Variants in NELFA observed in about 807,000 individuals in gnomAD.
The protein encoded by NELFA is negative elongation factor A.
Under a neutral mutation model 51.8 loss-of-function variants are expected in NELFA, and 35 were observed. The observed-to-expected ratio is 0.68, with a 90% confidence interval of 0.52 to 0.90. The LOEUF (loss-of-function observed/expected upper bound fraction) is 0.90, where lower values mean the gene tolerates loss of function less well. NELFA is among the 40% of genes least tolerant of loss of function. The probability of loss-of-function intolerance (pLI) is 0.00; values close to 1 mark genes in which losing one functional copy is unlikely to be tolerated. For synonymous variants in NELFA, 417 were observed against 338.4 expected (o/e 1.23, Z -2.55); for missense variants, 658 against 746.4 (o/e 0.88, Z 1.38).
intron 1 of NELFA, among the ~76,000 whole-genome samples, chr4:2,005,675 G>C (rs781148337): frequency 2.2e-4 from 33 of 152,136 alleles, no homozygotes; most frequent in Non-Finnish European, 4.3e-4. Flanking sequence ...CTGGGTGAGA[G>C]AGTGAGATCT....
At chr4:1,987,825 G>C in intron 4 of NELFA, 93 bp downstream of exon 4, 1 of 1,095,390 alleles carries the variant, frequency 9.1e-7, no homozygotes, top group Non-Finnish European at 1.3e-6. Context: ...ACCATTCACA[G>C]GCACCACCTC....
intron 1 of NELFA, chr4:1,992,763 C>G (rs1728310316): frequency 5.8e-6 from 1 of 173,288 alleles, no homozygotes; most frequent in African/African-American, 2.4e-5. Flanking sequence ...CATGGGCTTC[C>G]TGCCCTGAGG....
intron 8 of NELFA, 137 bp from the exon 9 acceptor site, chr4:1,984,250 C>G: frequency 8.9e-7 from 1 of 1,122,552 alleles, no homozygotes; most frequent in South Asian, 1.7e-5. Context: ...TGGCCCCCAG[C>G]CAAGGCACAG....
Position 1,989,127 on chromosome 4 carries a change from G to T in NELFA, c.544+581C>A, listed in dbSNP as rs894215774. ...CAGCCAGCTAATTTTTGTATTTTTA[G>T]TAGAGACGGGGTTTCACCATGTGGG... On this transcript the variant is annotated intron_variant, in intron 3 of 10. Coordinates refer to ENST00000382882, the MANE Select transcript of NELFA (RefSeq NM_005663.5). The surrounding 1 kb of genome is among the most constrained non-coding windows in gnomAD (Gnocchi z 4.8). Among the ~76,000 whole-genome samples, 5 of 151,786 alleles carry T rather than the reference G, an allele frequency of 3.3e-5. No individual in the cohort carries two copies. Among genetic ancestry groups the T allele is most frequent in the African/African-American group, 1.2e-4 (5 of 41,300 alleles).
At chr4:2,007,350 C>T (rs747219383) in intron 1 of NELFA, among the ~76,000 whole-genome samples, 3 of 152,118 alleles carry the variant, frequency 2.0e-5, no homozygotes, top group African/African-American at 4.8e-5. Context: ...AATGTAGTAA[C>T]GGGATGATTT....
intron 9 of NELFA, 49 bp downstream of exon 9, chr4:1,983,799 G>A (rs770878727): frequency 4.4e-6 from 7 of 1,580,252 alleles, no homozygotes; most frequent in East Asian, 2.2e-5. Context: ...GGTGGCCAGG[G>A]CCGTACCACC....
chr4:1,998,327 A>C (rs941400015), intron 1 of NELFA, among the ~76,000 whole-genome samples: 24 of 152,046 alleles, frequency 1.6e-4, no homozygotes, highest in African/African-American at 5.8e-4. Context: ...GCTTCAGAAG[A>C]TGGGTAATAA....
chr4:1,986,077 C>A, intron 6 of NELFA, 37 bp downstream of exon 6: 5 of 1,546,096 alleles, frequency 3.2e-6, no homozygotes, highest in Non-Finnish European at 4.4e-6. Flanking sequence ...CCCGCAGGGA[C>A]CCCCATTGCC....
intron 1 of NELFA, among the ~76,000 whole-genome samples, chr4:1,995,551 T>G (rs1728398575): frequency 6.6e-6 from 1 of 152,244 alleles, no homozygotes; most frequent in Non-Finnish European, 1.5e-5. Context: ...CAGAATGGCC[T>G]AGTCCTTTCA....
intron 3 of NELFA, 125 bp from the exon 4 acceptor site, chr4:1,988,132 T>C (rs918322678): frequency 2.6e-6 from 2 of 763,256 alleles, no homozygotes; most frequent in Admixed American, 2.7e-5. Flanking sequence ...TCTCTCTAAA[T>C]GAGCAGCTGT....
chr4:1,997,404 A>C (rs1728455122), intron 1 of NELFA, among the ~76,000 whole-genome samples: 1 of 152,258 alleles, frequency 6.6e-6, no homozygotes. Flanking sequence ...CAAAATTCCT[A>C]TACAAAACAT....
At chr4:1,990,863 C>T (rs1173349788) in intron 2 of NELFA, among the ~76,000 whole-genome samples, 3 of 152,214 alleles carry the variant, frequency 2.0e-5, no homozygotes, top group African/African-American at 4.8e-5. Context: ...TGCAGTGGCG[C>T]GATCATGGCT....
At chr4:1,988,811 G>A (rs911344022) in intron 3 of NELFA, among the ~76,000 whole-genome samples, 9 of 152,198 alleles carry the variant, frequency 5.9e-5, no homozygotes, top group South Asian at 2.1e-4. Context: ...AGGCAGCAAC[G>A]TGAGAGTAAG....
Position 1,991,544 on chromosome 4 carries a change from C to T in NELFA, c.382G>A (p.Val128Met), listed in dbSNP as rs2109059699. 6.2e-7 allele frequency: 1 copy of T among 1,613,808 alleles called. No individual in the cohort carries two copies. Among genetic ancestry groups the T allele is most frequent in the Non-Finnish European group, 8.5e-7 (1 of 1,179,990 alleles). The change falls in exon 2 of 11, where the codon GTG becomes ATG. Residue 128 changes from valine (V) to methionine (M), a missense_variant and splice_region_variant. By Grantham distance (21) the Val-to-Met change is conservative (BLOSUM62 1). Transcript: ENST00000382882. ...CATGAATTAAAGCAGCACAACATAC[C>T]CTTTTCTCTAAGTTCTCCCAAAATA... The part of the protein sequence containing the change: ...QDILGELREK[V>M]GECEASAMLP...
At chr4:1,990,566 C>T (rs1478747955) in intron 2 of NELFA, 3 of 453,222 alleles carry the variant, frequency 6.6e-6, no homozygotes, top group African/African-American at 4.0e-5. Flanking sequence ...TGTGACCTCA[C>T]AGGTGGGGAG....
intron 1 of NELFA, among the ~76,000 whole-genome samples, chr4:2,000,024 TG>T (rs1728530677): frequency 6.6e-6 from 1 of 152,160 alleles, no homozygotes; most frequent in Non-Finnish European, 1.5e-5. Flanking sequence ...GAATGACTCC[TG>T]GACAAATAAT....
At chr4:2,005,517 C>A (rs1168321599) in intron 1 of NELFA, among the ~76,000 whole-genome samples, 1 of 152,036 alleles carries the variant, frequency 6.6e-6, no homozygotes, top group Admixed American at 6.6e-5. Context: ...CATGGTGAAA[C>A]CCCATCTCTA....
chr4:1,995,877 A>AT (rs36104463), intron 1 of NELFA, among the ~76,000 whole-genome samples: 36,999 of 144,404 alleles, frequency 0.26, 4,681 homozygotes, highest in East Asian at 0.31. Context: ...CTTCTCACTG[A>AT]TTTTTTTTTT....
chr4:1,989,572 G>A lies in NELFA; in HGVS notation c.544+136C>T. Reference sequence around the variant, plus strand: ...GGGCTCAAACGACCCACCTGCCCCAGCCTCCCAACAGGTGTGAGCCACCAT... The same window carrying A: ...GGGCTCAAACGACCCACCTGCCCCAACCTCCCAACAGGTGTGAGCCACCAT... On this transcript the variant is annotated intron_variant, in intron 3 of 10. Transcript: ENST00000382882. The surrounding 1 kb of genome is among the most constrained non-coding windows in gnomAD (Gnocchi z 4.8). 1 of 940,384 alleles carries A rather than the reference G, an allele frequency of 1.1e-6. No individual in the cohort carries two copies. 58.3% of individuals were successfully genotyped at this position (940,384 alleles called of 1,614,324 possible).
Sources: allele counts gnomAD v4.1 joint callset (sites outside exome capture counted in the v4.1 genomes callset), GRCh38; gene constraint gnomAD v4.1.1; non-coding constraint Gnocchi (gnomAD v3.1); transcripts MANE v1.5; gene names NCBI Gene and HGNC (gene_info 2026-07-23, HGNC 2026-07-21).